Variants in MTMR2 observed in about 807,000 individuals in gnomAD.
MTMR2 encodes myotubularin related protein 2.
A neutral mutation model predicts 86.9 loss-of-function variants in MTMR2; 55 were observed. That is an observed-to-expected ratio of 0.63 (90% CI 0.51 to 0.79). The LOEUF is 0.79. Among genes scored for constraint, MTMR2 ranks in the 30% least tolerant of loss-of-function variants. The pLI is 0.00. For missense variants in MTMR2, 659 were observed against 772.3 expected (o/e 0.85, Z 1.74); for synonymous variants, 241 against 266.8 (o/e 0.90, Z 0.94).
At chr11:95,873,706 C>A (rs1333449858) in intron 2 of MTMR2, among the ~76,000 whole-genome samples, 2 of 151,914 alleles carry the variant, frequency 1.3e-5, no homozygotes, top group Admixed American at 1.3e-4. Flanking sequence ...AATTTTAGAT[C>A]TTTCCACTTT....
chr11:95,907,543 T>TGGCA (rs973905696), intron 1 of MTMR2, among the ~76,000 whole-genome samples: 7 of 152,076 alleles, frequency 4.6e-5, no homozygotes, highest in African/African-American at 1.7e-4. Context: ...TACAAAAGCC[T>TGGCA]GGCAGACAGA....
chr11:95,844,897 C>A, intron 11 of MTMR2, 56 bp downstream of exon 11: 1 of 1,441,098 alleles, frequency 6.9e-7, no homozygotes, highest in South Asian at 1.1e-5. Flanking sequence ...ACATTTTTTT[C>A]ACATGCCTTG....
At chr11:95,861,902 A>T (rs1408596099) in intron 5 of MTMR2, 90 bp downstream of exon 5, 1 of 973,878 alleles carries the variant, frequency 1.0e-6, no homozygotes, top group Non-Finnish European at 1.6e-6. Flanking sequence ...AATCCATTTT[A>T]TATTTTAGAA....
chr11:95,849,844 G>A lies in MTMR2; in HGVS notation c.823C>T (p.Pro275Ser), dbSNP rs746336999. ...CGAGTGATTGTGGCTTGACTTTCAGGATGAATCCATGATAAAACCTTAATG... is the reference window on the plus strand; with the variant it reads ...CGAGTGATTGTGGCTTGACTTTCAGAATGAATCCATGATAAAACCTTAATG... ...GRIPVLSWIH[P>S]ESQATITRCS... The change falls in exon 9 of 15, where the codon CCT (proline) becomes TCT (serine). Residue 275 changes from proline (P) to serine (S), a missense_variant. Pro to Ser is a moderately conservative substitution (Grantham distance 74). Around this residue, in one of 3 missense-constraint regions of MTMR2, gnomAD observed 387 missense variants for 526.3 expected, o/e 0.74. Transcript: ENST00000346299. 6.2e-7 allele frequency: 1 copy of A among 1,613,980 alleles called. No individual in the cohort carries two copies. Among genetic ancestry groups the A allele is most frequent in the Non-Finnish European group, 8.5e-7 (1 of 1,179,952 alleles).
intron 12 of MTMR2, among the ~76,000 whole-genome samples, chr11:95,838,764 C>T (rs201739953): frequency 6.6e-5 from 10 of 152,112 alleles, no homozygotes; most frequent in African/African-American, 2.4e-4. Flanking sequence ...ACCAGAGTCC[C>T]TTGTAAGCCA....
chr11:95,857,665 A>T, intron 6 of MTMR2, 30 bp from the exon 7 acceptor site: 1 of 1,387,654 alleles, frequency 7.2e-7, no homozygotes, highest in Non-Finnish European at 1.0e-6. Context: ...GGTAAGAGCT[A>T]AAAAAGATAT....
At chr11:95,910,136 C>T (rs1353915125) in intron 1 of MTMR2, among the ~76,000 whole-genome samples, 3 of 151,438 alleles carry the variant, frequency 2.0e-5, no homozygotes, top group Non-Finnish European at 4.4e-5. Context: ...CGCACACACA[C>T]ACACACACAC....
chr11:95,873,571 G>T (rs1591009961), intron 2 of MTMR2, among the ~76,000 whole-genome samples: 1 of 152,144 alleles, frequency 6.6e-6, no homozygotes, highest in South Asian at 2.1e-4. Flanking sequence ...CTGATTTTTT[G>T]AAGGGTTTTT....
At chr11:95,882,319 G>A (rs1440164469) in intron 2 of MTMR2, 1 of 152,014 alleles carries the variant, frequency 6.6e-6, no homozygotes, top group African/African-American at 2.4e-5. Flanking sequence ...CTAACACGGT[G>A]AAACCCCGTC....
intron 1 of MTMR2, among the ~76,000 whole-genome samples, chr11:95,919,998 T>C (rs1210816618): frequency 6.6e-6 from 1 of 152,224 alleles, no homozygotes; most frequent in Non-Finnish European, 1.5e-5. Flanking sequence ...TGTCAAATTC[T>C]GCTGTGTAAC....
At chr11:95,858,869 C>T (rs1864305339) in intron 5 of MTMR2, among the ~76,000 whole-genome samples, 1 of 152,092 alleles carries the variant, frequency 6.6e-6, no homozygotes, top group African/African-American at 2.4e-5. Flanking sequence ...TTTACCTATG[C>T]TTATGGACTC....
At chr11:95,897,830 T>C (rs906270554) in intron 1 of MTMR2, among the ~76,000 whole-genome samples, 2 of 152,124 alleles carry the variant, frequency 1.3e-5, no homozygotes, top group Non-Finnish European at 2.9e-5. Flanking sequence ...GTAAACTCTA[T>C]TGACTCCAGG....
chr11:95,902,888 C>G (rs938014426), intron 1 of MTMR2, among the ~76,000 whole-genome samples: 1 of 152,138 alleles, frequency 6.6e-6, no homozygotes, highest in Non-Finnish European at 1.5e-5. Context: ...AACCTCATGC[C>G]ATCAGACTAC....
At chr11:95,837,946 T>C in intron 13 of MTMR2, 148 bp downstream of exon 13, 1 of 657,288 alleles carries the variant, frequency 1.5e-6, no homozygotes, top group Non-Finnish European at 2.8e-6. Context: ...GGTCCAGATA[T>C]ATGGAAGGAA....
At chr11:95,890,315 A>G (rs1319080316) in intron 1 of MTMR2, among the ~76,000 whole-genome samples, 1 of 152,226 alleles carries the variant, frequency 6.6e-6, no homozygotes, top group East Asian at 1.9e-4. Flanking sequence ...AGGCAAAATA[A>G]CCAAATTTTA....
intron 1 of MTMR2, among the ~76,000 whole-genome samples, chr11:95,914,915 T>G (rs776986665): frequency 1.3e-5 from 2 of 152,188 alleles, no homozygotes; most frequent in South Asian, 4.1e-4. Flanking sequence ...CTCTCTACTT[T>G]ATACAGTTAT....
At position 95,849,707 on chromosome 11, in the gene MTMR2, A is replaced by G. The variant is rs776038747; in HGVS notation, c.960T>C (p.Asp320=). 1.2e-5 allele frequency: 20 copies of G among 1,613,986 alleles called. No homozygotes were observed. Among genetic ancestry groups the G allele is most frequent in the Non-Finnish European group, 1.6e-5 (19 of 1,179,988 alleles). Reference sequence around the variant, plus strand: ...CAACAGCATTAACACTTGGCCGGGCATCAAATATAAAGATTTTGTGAGACT... The same window carrying G: ...CAACAGCATTAACACTTGGCCGGGCGTCAAATATAAAGATTTTGTGAGACT... ...NAQSHKIFIF[D]ARPSVNAVAN... is the part of the protein sequence containing the mutation. The change falls in exon 9 of 15, where the codon GAT becomes GAC. Residue 320 remains aspartate (D), a synonymous_variant. Coordinates refer to ENST00000346299, the MANE Select transcript of MTMR2 (RefSeq NM_016156.6).
intron 2 of MTMR2, among the ~76,000 whole-genome samples, chr11:95,866,893 A>G (rs1864637199): frequency 6.6e-6 from 1 of 151,778 alleles, no homozygotes; most frequent in South Asian, 2.1e-4. Context: ...TCTATGCCTC[A>G]TTTTCCGCAT....
chr11:95,854,063 G>C lies in MTMR2; in HGVS notation c.655-3314C>G, dbSNP rs992556495. 2.6e-5 allele frequency among the ~76,000 whole-genome samples: 4 copies of C among 152,100 alleles called. No homozygotes were observed. The South Asian group carries it at 6.2e-4, about 24-fold the overall frequency. On this transcript the variant is annotated intron_variant, in intron 7 of 14. Transcript: ENST00000346299. ...TTCACGTAAGTAGCAGGGTGGGGTA[G>C]GAATGAGAACCAATGACTTAGATTA...
Sources: allele counts gnomAD v4.1 joint callset (sites outside exome capture counted in the v4.1 genomes callset), GRCh38; gene constraint gnomAD v4.1.1; regional missense constraint gnomAD v4.1.1; transcripts MANE v1.5; gene names NCBI Gene and HGNC (gene_info 2026-07-23, HGNC 2026-07-21).